ZFHX3: variants seen among roughly 807,000 people sequenced by gnomAD.
ZFHX3 encodes the protein zinc finger homeobox protein 3.
Under a neutral mutation model 279.1 loss-of-function variants are expected in ZFHX3, and 42 were observed. That is an observed-to-expected ratio of 0.15 (90% CI 0.12 to 0.19). The LOEUF (loss-of-function observed/expected upper bound fraction) is 0.19, where lower values mean the gene tolerates loss of function less well. Among genes scored for constraint, ZFHX3 ranks in the 10% least tolerant of loss-of-function variants. The probability of loss-of-function intolerance (pLI) is 1.00; values close to 1 mark genes in which losing one functional copy is unlikely to be tolerated. For missense variants in ZFHX3, 4,981 were observed against 4,754.0 expected, an observed-to-expected ratio of 1.05 and a Z score of -1.40; for synonymous variants, 2,293 against 1,957.8, an observed-to-expected ratio of 1.17 and a Z score of -4.52.
At chr16:73,603,292 A>C (rs973955546) in intron 2 of ZFHX3, among the ~76,000 whole-genome samples, 2 of 150,600 alleles carry the variant, frequency 1.3e-5, no homozygotes, top group African/African-American at 5.0e-5. Context: ...CTCAAAAAAA[A>C]AAAAGAAAGA....
At chr16:73,269,810 G>A (rs1017035664) in intron 4 of ZFHX3, among the ~76,000 whole-genome samples, 4 of 151,576 alleles carry the variant, frequency 2.6e-5, no homozygotes, top group African/African-American at 2.4e-5. Context: ...GTGCGGTGGC[G>A]TGATCTTGGC....
intron 1 of ZFHX3, among the ~76,000 whole-genome samples, chr16:73,847,416 T>A (rs1393758023): frequency 6.6e-6 from 1 of 152,138 alleles, no homozygotes; most frequent in Non-Finnish European, 1.5e-5. Flanking sequence ...TGCATTCCCA[T>A]GAGAGGCTTG....
chr16:73,274,014 C>T (rs920433921), intron 4 of ZFHX3, among the ~76,000 whole-genome samples: 265 of 152,154 alleles, frequency 1.7e-3, no homozygotes, highest in African/African-American at 5.4e-3. Flanking sequence ...CATGGTGGTG[C>T]GCGCCTGTAA....
chr16:72,786,362 CTT>C lies in ZFHX3; in HGVS notation c.*800_*801del, dbSNP rs755989374. Reference sequence around the variant, plus strand: ...AAATACAGAAAGTCAGTTTTTAAAACTTATTTTTTTTAAGCTACAAGTCCTCA... The same window carrying C: ...AAATACAGAAAGTCAGTTTTTAAAACATTTTTTTTAAGCTACAAGTCCTCA... On this transcript the variant is annotated 3_prime_UTR_variant, in exon 10 of 10. Transcript: ENST00000268489. 1 of 149,054 alleles carries C rather than the reference CTT, an allele frequency of 6.7e-6. No homozygotes were observed. Among genetic ancestry groups the C allele is most frequent in the Non-Finnish European group, 1.5e-5 (1 of 67,426 alleles). 9.2% of individuals were successfully genotyped at this position (149,054 alleles called of 1,614,324 possible). A position where few individuals can be genotyped will look rare whatever the true frequency, so the allele number is the denominator to read the frequency against.
intron 2 of ZFHX3, among the ~76,000 whole-genome samples, chr16:73,560,477 T>A (rs947794509): frequency 6.6e-6 from 1 of 152,200 alleles, no homozygotes; most frequent in African/African-American, 2.4e-5. Context: ...TTTCTACACT[T>A]AGGGCCCTGT....
intron 2 of ZFHX3, among the ~76,000 whole-genome samples, chr16:73,637,556 G>A (rs1173738163): frequency 6.6e-6 from 1 of 151,990 alleles, no homozygotes; most frequent in African/African-American, 2.4e-5. Flanking sequence ...AAAAAGACAG[G>A]TTGAAAAGAA....
intron 2 of ZFHX3, among the ~76,000 whole-genome samples, chr16:73,570,734 T>C (rs1162970529): frequency 6.6e-6 from 1 of 152,154 alleles, no homozygotes; most frequent in African/African-American, 2.4e-5. Context: ...TTTCTATTGG[T>C]GTACTGACTT....
intron 1 of ZFHX3, among the ~76,000 whole-genome samples, chr16:73,753,050 T>C (rs1336947994): frequency 2.6e-5 from 4 of 152,204 alleles, no homozygotes; most frequent in African/African-American, 9.7e-5. Context: ...GTATTGTTGG[T>C]GATCTTGCTG....
At chr16:73,627,148 A>T (rs2052424608) in intron 2 of ZFHX3, among the ~76,000 whole-genome samples, 1 of 152,200 alleles carries the variant, frequency 6.6e-6, no homozygotes, top group African/African-American at 2.4e-5. Flanking sequence ...AGCAAAGAAA[A>T]TTTCACTAAA....
chr16:73,353,840 T>C (rs909527387), intron 3 of ZFHX3, among the ~76,000 whole-genome samples: 1 of 152,248 alleles, frequency 6.6e-6, no homozygotes, highest in Non-Finnish European at 1.5e-5. Flanking sequence ...TACTTAATAT[T>C]GTTATTTTTA....
chr16:73,311,206 C>A (rs545167628), intron 4 of ZFHX3, among the ~76,000 whole-genome samples: 1 of 151,940 alleles, frequency 6.6e-6, no homozygotes, highest in Non-Finnish European at 1.5e-5. Context: ...GCAATCCAGA[C>A]TGGGGGACAA....
intron 4 of ZFHX3, among the ~76,000 whole-genome samples, chr16:73,284,212 G>A (rs565500746): frequency 8.0e-5 from 12 of 150,092 alleles, no homozygotes. Context: ...AGCTACACAG[G>A]AGGCTAAGGC....
Position 73,806,599 on chromosome 16 carries a change from T to TG in ZFHX3, c.-1608+85051dup, listed in dbSNP as rs377389342. ...GTTGTCAGCCAATAACACTGGTTGG[T>TG]GGGGGGGGTCAAGTAAATCAAATGA... On this transcript the variant is annotated intron_variant, in intron 1 of 17. Coordinates refer to the ZFHX3 transcript ENST00000641206. Among the ~76,000 whole-genome samples, 816 of 151,506 alleles carry TG rather than the reference T, an allele frequency of 5.4e-3. 7 individuals are homozygous for TG. Among genetic ancestry groups the TG allele is most frequent in the African/African-American group, 0.014 (577 of 41,308 alleles).
intron 1 of ZFHX3, among the ~76,000 whole-genome samples, chr16:72,963,402 T>A (rs117827698): frequency 0.018 from 2,805 of 152,344 alleles, 54 homozygotes; most frequent in Non-Finnish European, 0.028. Context: ...TAGATTTTAA[T>A]AGAGCACATC....
intron 5 of ZFHX3, among the ~76,000 whole-genome samples, chr16:73,246,027 T>C (rs898945092): frequency 6.6e-6 from 1 of 152,114 alleles, no homozygotes; most frequent in African/African-American, 2.4e-5. Context: ...CATTCCCCTG[T>C]TTCCTTCTCT....
intron 2 of ZFHX3, among the ~76,000 whole-genome samples, chr16:73,491,741 A>G (rs1358242281): frequency 6.6e-6 from 1 of 152,178 alleles, no homozygotes; most frequent in African/African-American, 2.4e-5. Flanking sequence ...AGCAGTGTAT[A>G]GAGACATTTT....
At chr16:73,127,764 C>G (rs1966596913) in intron 7 of ZFHX3, among the ~76,000 whole-genome samples, 1 of 152,202 alleles carries the variant, frequency 6.6e-6, no homozygotes, top group Non-Finnish European at 1.5e-5. Context: ...GGTCCTATCA[C>G]AGACAGAAGC....
At chr16:73,415,151 C>A (rs542220878) in intron 3 of ZFHX3, among the ~76,000 whole-genome samples, 1 of 151,856 alleles carries the variant, frequency 6.6e-6, no homozygotes, top group Non-Finnish European at 1.5e-5. Context: ...AAATAATGAC[C>A]GATGTTCTAA....
intron 1 of ZFHX3, among the ~76,000 whole-genome samples, chr16:73,841,555 T>A (rs1269277685): frequency 6.6e-5 from 10 of 152,020 alleles, no homozygotes; most frequent in Admixed American, 6.6e-4. Context: ...GCAGGGCACC[T>A]AGCAACCAGG....
Sources: allele counts gnomAD v4.1 joint callset (sites outside exome capture counted in the v4.1 genomes callset), GRCh38; gene constraint gnomAD v4.1.1; transcripts MANE v1.5; gene names NCBI Gene and HGNC (gene_info 2026-07-23, HGNC 2026-07-21).